Variants in SEMA4D observed in about 807,000 individuals in gnomAD.
SEMA4D encodes semaphorin 4D.
Under a neutral mutation model 74.8 loss-of-function variants are expected in SEMA4D, and 22 were observed. The ratio of observed to expected loss-of-function variants is 0.29; its 90% CI spans 0.21 to 0.42. The LOEUF (loss-of-function observed/expected upper bound fraction) is 0.42, where lower values mean the gene tolerates loss of function less well. Among genes scored for constraint, SEMA4D ranks in the 10% least tolerant of loss-of-function variants. SEMA4D has a pLI of 1.00. For synonymous variants in SEMA4D, 445 were observed against 463.7 expected, an observed-to-expected ratio of 0.96 and a Z score of 0.52; for missense variants, 937 against 1,118.4, an observed-to-expected ratio of 0.84 and a Z score of 2.31.
At chr9:89,472,261 G>C in intron 1 of SEMA4D, 1 of 362,158 alleles carries the variant, frequency 2.8e-6, no homozygotes, top group South Asian at 2.5e-5. Context: ...GGGCTGGGGA[G>C]TAAAAGTCCT....
At chr9:89,427,301 C>T (rs1388674721) in intron 2 of SEMA4D, among the ~76,000 whole-genome samples, 1 of 152,192 alleles carries the variant, frequency 6.6e-6, no homozygotes, top group African/African-American at 2.4e-5. Flanking sequence ...GTCAGTCACT[C>T]AGGTCCATCC....
intron 2 of SEMA4D, among the ~76,000 whole-genome samples, chr9:89,455,543 C>T (rs1192145748): frequency 6.6e-6 from 1 of 152,184 alleles, no homozygotes; most frequent in Non-Finnish European, 1.5e-5. Flanking sequence ...CAACTGGGGC[C>T]CTTCCCTTCC....
At chr9:89,453,480 C>T (rs1180159440) in intron 2 of SEMA4D, among the ~76,000 whole-genome samples, 1 of 152,234 alleles carries the variant, frequency 6.6e-6, no homozygotes, top group African/African-American at 2.4e-5. Flanking sequence ...CCCTTTGCTG[C>T]CTGTCTTATC....
At chr9:89,438,999 T>TA (rs1157586292) in intron 2 of SEMA4D, among the ~76,000 whole-genome samples, 6 of 79,002 alleles carry the variant, frequency 7.6e-5, no homozygotes, top group East Asian at 3.5e-4. Context: ...TTTTTTTTTT[T>TA]AACATGGAGT....
chr9:89,461,804 G>A (rs1275562499), intron 1 of SEMA4D, among the ~76,000 whole-genome samples: 4 of 147,688 alleles, frequency 2.7e-5, no homozygotes, highest in African/African-American at 2.5e-5. Context: ...CCGGGTTCAA[G>A]TGATTCTCCT....
At chr9:89,416,232 C>G (rs1218804684) in intron 2 of SEMA4D, among the ~76,000 whole-genome samples, 1 of 152,190 alleles carries the variant, frequency 6.6e-6, no homozygotes, top group Non-Finnish European at 1.5e-5. Context: ...GATCCCCTGG[C>G]AACTCTTGGG....
In SEMA4D at chr9:89,403,027, C is replaced by T; in HGVS notation, c.107-11G>A. On this transcript the variant is annotated splice_polypyrimidine_tract_variant and intron_variant, in intron 3 of 15. Transcript: ENST00000422704. ...GCACCAGGTGCACCTCTGTGGGATGCAAGGGCAGGGTCAGAGTGGGAGGAA... is the reference window on the plus strand; with the variant it reads ...GCACCAGGTGCACCTCTGTGGGATGTAAGGGCAGGGTCAGAGTGGGAGGAA... 6.2e-7 allele frequency: 1 copy of T among 1,601,026 alleles called. No homozygotes were observed. The highest frequency in any genetic ancestry group is 8.6e-7 in the Non-Finnish European group (1 of 1,168,972).
intron 2 of SEMA4D, among the ~76,000 whole-genome samples, chr9:89,438,437 C>T (rs555642169): frequency 6.6e-6 from 1 of 152,300 alleles, no homozygotes; most frequent in Admixed American, 6.5e-5. Flanking sequence ...ACCGCGGGAG[C>T]CTGGTGACTG....
At chr9:89,472,094 G>C (rs1415315285) in intron 1 of SEMA4D, 1 of 173,050 alleles carries the variant, frequency 5.8e-6, no homozygotes, top group African/African-American at 2.4e-5. Flanking sequence ...GTGATTAAAT[G>C]TGAAACAGAG....
At chr9:89,460,608 C>T (rs969009871) in intron 1 of SEMA4D, among the ~76,000 whole-genome samples, 1 of 152,216 alleles carries the variant, frequency 6.6e-6, no homozygotes, top group Non-Finnish European at 1.5e-5. Context: ...ACCGAGGTTC[C>T]ACCGGTTCAG....
intron 2 of SEMA4D, among the ~76,000 whole-genome samples, chr9:89,434,556 A>T (rs781306126): frequency 1.2e-4 from 19 of 152,336 alleles, no homozygotes; most frequent in Middle Eastern, 3.4e-3. Context: ...CTCCACCACC[A>T]GCGTAGCACC....
chr9:89,428,588 A>G (rs1427570576), intron 2 of SEMA4D, among the ~76,000 whole-genome samples: 3 of 16,146 alleles, frequency 1.9e-4, no homozygotes, highest in African/African-American at 1.1e-3. Flanking sequence ...GAGCCTGCTC[A>G]AGGTCACGGA....
chr9:89,456,022 C>T (rs1855845838), intron 1 of SEMA4D, 69 bp from the exon 2 acceptor site: 1 of 152,304 alleles, frequency 6.6e-6, no homozygotes, highest in Non-Finnish European at 1.5e-5. Flanking sequence ...AATATACATA[C>T]ACACAATTCC....
At chr9:89,390,262 A>G (rs1382846497) in intron 9 of SEMA4D, among the ~76,000 whole-genome samples, 1 of 152,178 alleles carries the variant, frequency 6.6e-6, no homozygotes, top group African/African-American at 2.4e-5. Flanking sequence ...CTGGCCCTGC[A>G]GCACCCTCCC....
At chr9:89,450,685 A>AAAAAAAAAAC (rs1854251611) in intron 2 of SEMA4D, 1 of 988,616 alleles carries the variant, frequency 1.0e-6, no homozygotes, top group Non-Finnish European at 1.5e-6. Context: ...AAAAAAAAAA[A>AAAAAAAAAAC]AAGGCCTCCA....
chr9:89,458,993 A>G lies in SEMA4D; in HGVS notation c.-309-3040T>C, dbSNP rs1856627653. 2.0e-5 allele frequency among the ~76,000 whole-genome samples: 3 copies of G among 152,292 alleles called. No individual in the cohort carries two copies. In the South Asian group the frequency reaches 6.2e-4, roughly 32 times the overall value. ...CCTACACACATATGCATACTCATACACACACTGTGCATGGTCCTTATCCTC... is the reference window on the plus strand; with the variant it reads ...CCTACACACATATGCATACTCATACGCACACTGTGCATGGTCCTTATCCTC... On this transcript the variant is annotated intron_variant, in intron 1 of 15. Transcript: ENST00000422704.
chr9:89,450,672 A>C, intron 2 of SEMA4D: 2 of 603,176 alleles, frequency 3.3e-6, no homozygotes, highest in Non-Finnish European at 2.7e-6. Flanking sequence ...AAAAAAAAAA[A>C]AAAAAAAAAA....
chr9:89,426,848 G>A (rs1848227092), intron 2 of SEMA4D, among the ~76,000 whole-genome samples: 1 of 152,158 alleles, frequency 6.6e-6, no homozygotes, highest in African/African-American at 2.4e-5. Flanking sequence ...AGACCAAGTG[G>A]TCACTGTGGG....
intron 2 of SEMA4D, among the ~76,000 whole-genome samples, chr9:89,446,974 C>G (rs1564819130): frequency 6.6e-6 from 1 of 152,182 alleles, no homozygotes; most frequent in South Asian, 2.1e-4. Flanking sequence ...TCTCCAGATG[C>G]CTTCCCTTCC....
Sources: gnomAD v4.1 joint callset for allele counts (sites outside exome capture counted in the v4.1 genomes callset) on GRCh38, gnomAD v4.1.1 for gene constraint, MANE v1.5 for transcripts, NCBI Gene and HGNC (gene_info 2026-07-23, HGNC 2026-07-21) for gene names.